The following DTHD1 variants were observed in gnomAD, a reference collection of about 807,000 sequenced individuals.
DTHD1 encodes death domain-containing protein 1.
A neutral mutation model predicts 74.8 loss-of-function variants in DTHD1; 59 were observed. The observed-to-expected ratio is 0.79, with a 90% CI of 0.64 to 0.98. The LOEUF (loss-of-function observed/expected upper bound fraction) is 0.98. Among genes scored for constraint, DTHD1 ranks in the 50% least tolerant of loss-of-function variants. DTHD1 has a pLI of 0.00. For missense variants in DTHD1, 1,051 were observed against 1,065.4 expected (o/e 0.99, Z 0.19); for synonymous variants, 365 against 371.1 (o/e 0.98, Z 0.19).
intron 5 of DTHD1, among the ~76,000 whole-genome samples, chr4:36,295,512 G>T (rs149070400): frequency 6.6e-6 from 1 of 151,506 alleles, no homozygotes; most frequent in African/African-American, 2.4e-5. Context: ...TCAAGGGTAA[G>T]AAAAAAACCA....
At position 36,343,704 on chromosome 4, in the gene DTHD1, C is replaced by A. The variant is rs1241207317; in HGVS notation, c.2601C>A (p.Arg867=). 2 of 1,551,686 alleles carry A rather than the reference C, an allele frequency of 1.3e-6. No individual in the cohort carries two copies. The highest frequency in any genetic ancestry group is 1.7e-4 in the Middle Eastern group (1 of 5,988). Residue 867 remains arginine (R), a synonymous_variant, in exon 10 of 10, where the codon CGC becomes CGA. Coordinates refer to ENST00000639862, the MANE Select transcript of DTHD1 (RefSeq NM_001170700.3). ...KSLPTFTDKL[R]LLARHLRKIG... ...TTCCAACTTTCACCGACAAACTTCG[C>A]CTCCTGGCTCGACATCTCCGCAAGA...
intron 5 of DTHD1, among the ~76,000 whole-genome samples, chr4:36,300,659 A>C (rs1375818736): frequency 6.6e-6 from 1 of 152,248 alleles, no homozygotes; most frequent in Non-Finnish European, 1.5e-5. Context: ...TGTTATTTAT[A>C]ATTCTGGAAT....
chr4:36,342,343 G>A (rs1201940704), intron 9 of DTHD1, among the ~76,000 whole-genome samples: 2 of 152,118 alleles, frequency 1.3e-5, no homozygotes, highest in Non-Finnish European at 2.9e-5. Context: ...GTGTGTAGGA[G>A]GAAGGAATAG....
intron 7 of DTHD1, 97 bp downstream of exon 7, chr4:36,308,590 G>A: frequency 1.0e-6 from 1 of 956,574 alleles, no homozygotes; most frequent in Non-Finnish European, 1.5e-6. Context: ...GAAACCTTCA[G>A]AGGATTGACG....
chr4:36,344,036 T>A lies in DTHD1; in HGVS notation c.*212T>A. 6 of 551,800 alleles carry A rather than the reference T, an allele frequency of 1.1e-5. No individual in the cohort carries two copies. The highest frequency in any genetic ancestry group is 9.4e-5 in the African/African-American group (5 of 53,236). 34.2% of individuals were successfully genotyped at this position (551,800 alleles called of 1,614,324 possible). A position where few individuals can be genotyped will look rare whatever the true frequency, so the allele number is the denominator to read the frequency against. On this transcript the variant is annotated 3_prime_UTR_variant, in exon 10 of 10. Transcript: ENST00000639862. ...GCGCTCCTCTCTGGTTGAGTGATTA[T>A]GTTTTGCAACCATGACTGTCTTGAG...
rs531713656 is a variant in DTHD1 at position 36,343,592 on chromosome 4, G to A, written c.2489G>A (p.Arg830His). ...CTTTCCTCAACTCTCCCTCTGCGCC[G>A]TAGCACCATTCAGCTCATCAAACTC... ...ESLSSTLPLR[R>H]STIQLIKLKN... The change falls in exon 10 of 10, where the codon CGT (arginine) becomes CAT (histidine). Residue 830 changes from arginine (R) to histidine (H), a missense_variant. Coordinates refer to ENST00000639862, the MANE Select transcript of DTHD1 (RefSeq NM_001170700.3). 19 of 1,551,742 alleles carry A rather than the reference G, an allele frequency of 1.2e-5. No homozygotes were observed. The highest frequency in any genetic ancestry group is 9.8e-5 in the East Asian group (4 of 40,918).
chr4:36,327,398 C>A (rs1454776693), intron 8 of DTHD1, among the ~76,000 whole-genome samples: 4 of 152,106 alleles, frequency 2.6e-5, no homozygotes, highest in Admixed American at 2.6e-4. Flanking sequence ...AAAAGTGGAA[C>A]AATAAAGAGA....
intron 5 of DTHD1, among the ~76,000 whole-genome samples, chr4:36,298,568 A>G (rs1172346239): frequency 6.6e-6 from 1 of 152,158 alleles, no homozygotes; most frequent in Non-Finnish European, 1.5e-5. Context: ...GACATTTTCT[A>G]TGGAAACAGA....
chr4:36,338,979 A>G (rs915925773), intron 8 of DTHD1, 133 bp from the exon 9 acceptor site: 5 of 665,450 alleles, frequency 7.5e-6, no homozygotes, highest in Non-Finnish European at 1.3e-5. Flanking sequence ...GCACAAATAC[A>G]GTATTTAATT....
chr4:36,286,176 G>A (rs527337059), intron 2 of DTHD1, among the ~76,000 whole-genome samples: 20 of 152,234 alleles, frequency 1.3e-4, no homozygotes, highest in African/African-American at 9.6e-5. Flanking sequence ...AAGAATTACC[G>A]CTCCAACAAA....
At chr4:36,305,946 G>C (rs1757022931) in intron 5 of DTHD1, among the ~76,000 whole-genome samples, 1 of 152,132 alleles carries the variant, frequency 6.6e-6, no homozygotes, top group African/African-American at 2.4e-5. Flanking sequence ...CACCCTGTAC[G>C]TTTCTTTAAT....
At chr4:36,297,140 C>T (rs1377608942) in intron 5 of DTHD1, among the ~76,000 whole-genome samples, 2 of 152,102 alleles carry the variant, frequency 1.3e-5, no homozygotes, top group African/African-American at 4.8e-5. Flanking sequence ...GTTGAGTAGG[C>T]TGAGGAGGAG....
chr4:36,288,472 T>C (rs1453912388), intron 2 of DTHD1, among the ~76,000 whole-genome samples: 4 of 152,174 alleles, frequency 2.6e-5, no homozygotes, highest in East Asian at 1.9e-4. Context: ...ACATCTTGAG[T>C]TGATTTTTGT....
chr4:36,295,077 C>T, intron 5 of DTHD1, 38 bp downstream of exon 5: 2 of 1,462,730 alleles, frequency 1.4e-6, no homozygotes, highest in Non-Finnish European at 1.8e-6. Context: ...GGCTTAATGT[C>T]AAACAAAGAA....
intron 7 of DTHD1, among the ~76,000 whole-genome samples, chr4:36,313,520 T>C (rs1281131334): frequency 6.6e-6 from 1 of 152,134 alleles, no homozygotes; most frequent in South Asian, 2.1e-4. Context: ...TATATTATTA[T>C]GCCTTAACAA....
In DTHD1 at chr4:36,347,136, G is replaced by A. The variant is rs188262954; in HGVS notation, c.*3312G>A. 1.8e-3 allele frequency among the ~76,000 whole-genome samples: 280 copies of A among 152,114 alleles called. No homozygotes were observed. Among genetic ancestry groups the A allele is most frequent in the African/African-American group, 6.5e-3 (269 of 41,508 alleles). Reference sequence around the variant, plus strand: ...TATATATACAGTTTTTAAAATTACTGTCTTATTAAATTATGAGTTTTTAAT... The same window carrying A: ...TATATATACAGTTTTTAAAATTACTATCTTATTAAATTATGAGTTTTTAAT... On this transcript the variant is annotated 3_prime_UTR_variant, in exon 10 of 10. Coordinates refer to ENST00000639862, the MANE Select transcript of DTHD1 (RefSeq NM_001170700.3).
intron 8 of DTHD1, among the ~76,000 whole-genome samples, chr4:36,320,555 G>A (rs761240883): frequency 3.3e-5 from 5 of 152,178 alleles, no homozygotes; most frequent in African/African-American, 4.8e-5. Context: ...TATTCCAGAT[G>A]GGTTCGTATA....
rs200097912 is a variant in DTHD1 at position 36,312,911 on chromosome 4, G to T, written c.2096-3331G>T. 3.3e-5 allele frequency among the ~76,000 whole-genome samples: 5 copies of T among 152,318 alleles called. No individual in the cohort carries two copies. The East Asian group carries it at 9.6e-4, about 29-fold the overall frequency. ...GCGTTGAGAATAGGCTTTAGAGCAA[G>T]AGGAGAAGCAAGGAGATCAGTTACT... is the stretch of plus-strand genomic sequence containing the variant. On this transcript the variant is annotated intron_variant, in intron 7 of 9. Coordinates refer to ENST00000639862, the MANE Select transcript of DTHD1 (RefSeq NM_001170700.3).
chr4:36,336,979 G>A (rs575991770), intron 8 of DTHD1, among the ~76,000 whole-genome samples: 17 of 152,124 alleles, frequency 1.1e-4, no homozygotes, highest in African/African-American at 4.1e-4. Flanking sequence ...GGGGGGAAAT[G>A]AGAGCTGTTT....
Sources: allele counts gnomAD v4.1 joint callset (sites outside exome capture counted in the v4.1 genomes callset), GRCh38; gene constraint gnomAD v4.1.1; transcripts MANE v1.5; gene names NCBI Gene and HGNC (gene_info 2026-07-23, HGNC 2026-07-21).